The following VWF variants were observed in gnomAD, a reference collection of about 807,000 sequenced individuals.
VWF encodes the protein von Willebrand factor.
In VWF, 176 loss-of-function variants were observed where a neutral mutation model predicts 308.6. The ratio of observed to expected loss-of-function variants is 0.57; its 90% CI spans 0.50 to 0.65. The LOEUF (loss-of-function observed/expected upper bound fraction) is 0.65, where lower values mean the gene tolerates loss of function less well. Among genes scored for constraint, VWF ranks in the 30% least tolerant of loss-of-function variants. The probability of loss-of-function intolerance (pLI) is 0.00; values close to 1 mark genes in which losing one functional copy is unlikely to be tolerated. For synonymous variants in VWF, 1,385 were observed against 1,443.4 expected (o/e 0.96, Z 0.92); for missense variants, 3,146 against 3,648.2 (o/e 0.86, Z 3.55).
Position 6,018,485 on chromosome 12 carries a change from G to A in VWF, c.4933C>T (p.Pro1645Ser). 5 of 1,613,604 alleles carry A rather than the reference G, an allele frequency of 3.1e-6. No homozygotes were observed. The highest frequency in any genetic ancestry group is 4.2e-6 in the Non-Finnish European group (5 of 1,179,896). The change falls in exon 28 of 52, where the codon CCC becomes TCC. Residue 1645 changes from proline (P) to serine (S), a missense_variant. By Grantham distance (74) the Pro-to-Ser change is moderately conservative. This residue lies in a region of VWF where 853 missense variants were observed against 1,177.8 expected (regional missense o/e 0.72). Transcript: ENST00000261405. ...TCCTGGATGAGGATAGGGGCATTGG[G>A]CCAGCCAATCCTCTCCAGCTCCTGC... is the stretch of plus-strand genomic sequence containing the variant. ...NVQELERIGW[P>S]NAPILIQDFE...
intron 26 of VWF, 48 bp from the exon 27 acceptor site, chr12:6,022,083 C>G: frequency 3.1e-6 from 5 of 1,613,022 alleles, no homozygotes; most frequent in African/African-American, 1.3e-5. Flanking sequence ...CCCTTTCCCA[C>G]GAGGAAGCCT....
chr12:5,968,766 G>C (rs1002772580), intron 45 of VWF, among the ~76,000 whole-genome samples: 11 of 152,336 alleles, frequency 7.2e-5, no homozygotes, highest in African/African-American at 2.6e-4. Flanking sequence ...CTGCACTCTA[G>C]CCTATCCAGA....
At chr12:6,090,624 C>G (rs1449622650) in intron 6 of VWF, among the ~76,000 whole-genome samples, 672 of 85,824 alleles carry the variant, frequency 7.8e-3, no homozygotes, top group African/African-American at 0.024. Context: ...CCTCCTCCTC[C>G]TCCTTCTCGT....
chr12:6,079,418 A>G (rs560690264), intron 6 of VWF, among the ~76,000 whole-genome samples: 12 of 152,116 alleles, frequency 7.9e-5, no homozygotes, highest in East Asian at 5.8e-4. Flanking sequence ...CATCCTGGCT[A>G]ACACGGTGAA....
rs891051968 is a variant in VWF at position 6,020,291 on chromosome 12, A to G, written c.3675-548T>C. 5.9e-5 allele frequency among the ~76,000 whole-genome samples: 9 copies of G among 152,274 alleles called. No homozygotes were observed. Among genetic ancestry groups the G allele is most frequent in the Non-Finnish European group, 1.2e-4 (8 of 68,040 alleles). The stretch of plus-strand genomic sequence containing the variant: ...AACGAAGAGAGAAAAAATTGGAGCA[A>G]AAACATTGTAGAAAGATGAATAAAG... On this transcript the variant is annotated intron_variant, in intron 27 of 51. Transcript: ENST00000261405. The surrounding 1 kb of genome is among the most constrained non-coding windows in gnomAD (Gnocchi z 4.3).
At chr12:5,973,417 A>C (rs1943498486) in intron 43 of VWF, among the ~76,000 whole-genome samples, 1 of 152,228 alleles carries the variant, frequency 6.6e-6, no homozygotes, top group South Asian at 2.1e-4. Flanking sequence ...CTAGCAGCAC[A>C]ATCCTTTAAG....
chr12:6,031,607 C>T, intron 20 of VWF, 29 bp from the exon 21 acceptor site: 4 of 1,613,826 alleles, frequency 2.5e-6, no homozygotes, highest in Non-Finnish European at 3.4e-6. Context: ...CAGGAGAAGA[C>T]CATTATCCCC....
intron 35 of VWF, among the ~76,000 whole-genome samples, chr12:5,994,835 G>C (rs1242624560): frequency 6.6e-5 from 10 of 152,126 alleles, no homozygotes. Flanking sequence ...TACTGTACGG[G>C]TGGCCATGCA....
At chr12:6,112,919 A>G (rs1945325533) in intron 3 of VWF, among the ~76,000 whole-genome samples, 1 of 151,988 alleles carries the variant, frequency 6.6e-6, no homozygotes, top group South Asian at 2.1e-4. Context: ...CTCCAAACCA[A>G]CCCGAATGAG....
chr12:6,104,624 G>A (rs912433683), intron 5 of VWF, among the ~76,000 whole-genome samples: 5 of 151,864 alleles, frequency 3.3e-5, no homozygotes, highest in African/African-American at 1.2e-4. Flanking sequence ...TTGAACCCGG[G>A]AACTGGAGGT....
intron 6 of VWF, among the ~76,000 whole-genome samples, chr12:6,093,866 G>C (rs1236739365): frequency 6.6e-6 from 1 of 152,200 alleles, no homozygotes; most frequent in Non-Finnish European, 1.5e-5. Context: ...CTTCTCTCCA[G>C]TGTGAGGTCC....
chr12:5,988,998 G>A (rs910443805), intron 38 of VWF, among the ~76,000 whole-genome samples: 2 of 152,238 alleles, frequency 1.3e-5, no homozygotes, highest in African/African-American at 4.8e-5. Context: ...ACCAGCCAAT[G>A]TGATGGGGGA....
chr12:6,062,979 T>A lies in VWF; in HGVS notation c.1508A>T (p.Asp503Val), dbSNP rs761461711. ...CTTCACCAGCAGCCTCCCGCGGCCA[T>A]CCCAGTCCATCTGCAGGTCCTCCCC... ...SYGEDLQMDWDGRGRLLVKLS... is the reference protein window; with the variant it reads ...SYGEDLQMDWVGRGRLLVKLS... Residue 503 changes from aspartate to valine, a missense_variant, in exon 13 of 52, where the codon GAT becomes GTT. Asp to Val is a radical substitution (Grantham distance 152, BLOSUM62 -3). This residue lies in a region of VWF where 1,304 missense variants were observed against 1,353.0 expected (regional missense o/e 0.96). Coordinates refer to ENST00000261405, the MANE Select transcript of VWF (RefSeq NM_000552.5). The A allele has an allele frequency of 1.2e-6, 2 of 1,613,188 alleles. No homozygotes were observed. The highest frequency in any genetic ancestry group is 1.7e-6 in the Non-Finnish European group (2 of 1,179,992).
intron 39 of VWF, 25 bp downstream of exon 39, chr12:5,985,538 G>C (rs1943669610): frequency 1.9e-6 from 3 of 1,609,426 alleles, no homozygotes; most frequent in African/African-American, 2.7e-5. Flanking sequence ...CTCCATGAAG[G>C]CACCAGGGAG....
At chr12:6,118,595 C>G (rs1006393769) in intron 3 of VWF, among the ~76,000 whole-genome samples, 10 of 151,846 alleles carry the variant, frequency 6.6e-5, no homozygotes, top group Non-Finnish European at 1.5e-5. Context: ...CCATGTTGGC[C>G]AGGCTGGTCT....
In VWF at chr12:5,996,025, C is replaced by T. The variant is rs761281536; in HGVS notation, c.6040G>A (p.Val2014Ile). The T allele has an allele frequency of 2.2e-5, 36 of 1,613,000 alleles. No homozygotes were observed. The highest frequency in any genetic ancestry group is 8.9e-5 in the East Asian group (4 of 44,896). The part of the protein sequence containing the change: ...SIEVKHSALS[V>I]ELHSDMEVTV... ...ACCTCCATGTCACTGTGCAGCTCGA[C>T]GGAGAGGGCACTGTGCTTCACCTCG... The change falls in exon 35 of 52, where the codon GTC becomes ATC. Residue 2014 changes from valine to isoleucine, a missense_variant. Physicochemically the swap from Val to Ile is conservative, Grantham distance 29. Coordinates refer to ENST00000261405, the MANE Select transcript of VWF (RefSeq NM_000552.5).
chr12:5,953,577 A>AT lies in VWF; in HGVS notation c.7904dup (p.Asn2635LysfsTer2). 2 of 1,614,078 alleles carry AT rather than the reference A, an allele frequency of 1.2e-6. No individual in the cohort carries two copies. Among genetic ancestry groups the AT allele is most frequent in the Non-Finnish European group, 1.7e-6 (2 of 1,180,012 alleles). On this transcript the variant is annotated frameshift_variant, in exon 48 of 52. Coordinates refer to ENST00000261405, the MANE Select transcript of VWF (RefSeq NM_000552.5). LOFTEE classifies it high-confidence loss of function. ...ATCTCCCACAACATTCACCTGTGTT[A>AT]TTTTCTTCCTTGTAACCCTGCATCC...
At chr12:5,990,880 AAAAAAAAAAAAAAAAAAAAAAAAAAAAAT>A (rs566962146) in intron 38 of VWF, among the ~76,000 whole-genome samples, 20 of 68,420 alleles carry the variant, frequency 2.9e-4, no homozygotes, top group Non-Finnish European at 6.1e-4. Context: ...AAAAAAAAAA[AAAAAAAAAAAAAAAAAAAAAAAAAAAAAT>A]TTTGATGACT....
chr12:5,991,358 C>T (rs2136382487), intron 38 of VWF, among the ~76,000 whole-genome samples: 1 of 152,292 alleles, frequency 6.6e-6, no homozygotes, highest in African/African-American at 2.4e-5. Context: ...TTTAAACTCA[C>T]TTGACCACAA....
Sources: allele counts gnomAD v4.1 joint callset (sites outside exome capture counted in the v4.1 genomes callset), GRCh38; gene constraint gnomAD v4.1.1; regional missense constraint gnomAD v4.1.1; non-coding constraint Gnocchi (gnomAD v3.1); transcripts MANE v1.5; gene names NCBI Gene and HGNC (gene_info 2026-07-23, HGNC 2026-07-21).